The following VWA8 variants were observed in gnomAD, a reference collection of about 807,000 sequenced individuals.
VWA8 encodes von Willebrand factor A domain containing 8, also known as von Willebrand factor A domain-containing protein 8.
Under a neutral mutation model 241.5 loss-of-function variants are expected in VWA8, and 221 were observed. The observed-to-expected ratio is 0.91, with a 90% CI of 0.82 to 1.02. The LOEUF (loss-of-function observed/expected upper bound fraction) is 1.02. Among genes scored for constraint, VWA8 ranks in the 50% least tolerant of loss-of-function variants. The probability of loss-of-function intolerance (pLI) is 0.00; values close to 1 mark genes in which losing one functional copy is unlikely to be tolerated. For missense variants in VWA8, 2,322 were observed against 2,328.7 expected (o/e 1.00, Z 0.06); for synonymous variants, 852 against 827.1 (o/e 1.03, Z -0.52).
At chr13:41,909,605 T>C (rs956844089) in intron 3 of VWA8, among the ~76,000 whole-genome samples, 2 of 152,224 alleles carry the variant, frequency 1.3e-5, no homozygotes, top group African/African-American at 2.4e-5. Context: ...GTCATTACAA[T>C]AGGCTTCCAT....
At position 41,775,503 on chromosome 13, in the gene VWA8, C is replaced by T. The variant is rs948799260; in HGVS notation, c.2349+2482G>A. 1.4e-4 allele frequency among the ~76,000 whole-genome samples: 21 copies of T among 152,180 alleles called. No individual in the cohort carries two copies. The South Asian group carries it at 1.4e-3, about 11-fold the overall frequency. ...GTTTGTGCCAACCCGTGGCTCCTGC[C>T]TTGCTCTTCGTGGGGATCTTCAACT... is the stretch of plus-strand genomic sequence containing the variant. On this transcript the variant is annotated intron_variant, in intron 20 of 44. Transcript: ENST00000379310.
intron 14 of VWA8, among the ~76,000 whole-genome samples, chr13:41,827,920 G>T (rs1871248353): frequency 6.6e-6 from 1 of 152,190 alleles, no homozygotes; most frequent in Non-Finnish European, 1.5e-5. Flanking sequence ...AAGAGAAACT[G>T]CCAGGCAGGC....
At chr13:41,889,212 G>A (rs1275425774) in intron 5 of VWA8, among the ~76,000 whole-genome samples, 1 of 152,134 alleles carries the variant, frequency 6.6e-6, no homozygotes, top group Non-Finnish European at 1.5e-5. Context: ...ATAGTGCTTT[G>A]TGAAGGGATC....
intron 13 of VWA8, 127 bp downstream of exon 13, chr13:41,833,244 A>G: frequency 1.8e-6 from 2 of 1,117,574 alleles, no homozygotes; most frequent in Non-Finnish European, 2.4e-6. Flanking sequence ...TTGGTATAGA[A>G]TCATGATTTT....
At chr13:41,715,793 A>G (rs2045344519) in intron 26 of VWA8, among the ~76,000 whole-genome samples, 1 of 151,990 alleles carries the variant, frequency 6.6e-6, no homozygotes, top group South Asian at 2.1e-4. Flanking sequence ...TCCCTACAAT[A>G]CTGACAAAAT....
intron 2 of VWA8, among the ~76,000 whole-genome samples, chr13:41,928,189 A>C (rs1238236296): frequency 1.3e-5 from 2 of 152,230 alleles, no homozygotes; most frequent in Non-Finnish European, 2.9e-5. Context: ...CAAAGGATAT[A>C]TCAACCAGAC....
intron 37 of VWA8, among the ~76,000 whole-genome samples, chr13:41,620,806 T>C (rs1357505532): frequency 1.3e-5 from 2 of 152,224 alleles, no homozygotes; most frequent in African/African-American, 4.8e-5. Flanking sequence ...CAAATGACAC[T>C]TAGAGTTGAA....
rs1437712294 is a variant in VWA8, at chr13:41,715,800, A to G, written c.3116+3791T>C. On this transcript the variant is annotated intron_variant, in intron 26 of 44. Transcript: ENST00000379310. ...CCTATCTCTCCCTACAATACTGACA[A>G]AATGACATTAGTACATGCAACACAC... 2.0e-5 allele frequency among the ~76,000 whole-genome samples: 3 copies of G among 152,110 alleles called. No homozygotes were observed. In the East Asian group the frequency reaches 5.8e-4, roughly 29 times the overall value.
intron 9 of VWA8, among the ~76,000 whole-genome samples, chr13:41,872,652 T>A (rs1030493278): frequency 6.6e-6 from 1 of 152,166 alleles, no homozygotes; most frequent in East Asian, 1.9e-4. Flanking sequence ...CTCTGTTCTG[T>A]TCCATTGATC....
At chr13:41,596,561 T>C (rs997142785) in intron 40 of VWA8, among the ~76,000 whole-genome samples, 1 of 152,082 alleles carries the variant, frequency 6.6e-6, no homozygotes, top group African/African-American at 2.4e-5. Flanking sequence ...AAAGTATCCC[T>C]GTAAATATGT....
At chr13:41,782,249 G>T (rs1205265390) in intron 19 of VWA8, among the ~76,000 whole-genome samples, 2 of 152,170 alleles carry the variant, frequency 1.3e-5, no homozygotes, top group African/African-American at 4.8e-5. Context: ...GTGTTCAAGG[G>T]CACAATGGTC....
At chr13:41,802,804 C>T (rs1870018965) in intron 17 of VWA8, among the ~76,000 whole-genome samples, 1 of 152,202 alleles carries the variant, frequency 6.6e-6, no homozygotes, top group African/African-American at 2.4e-5. Context: ...CACAACCTGA[C>T]TAAAGAATAG....
chr13:41,724,753 A>T (rs530043301), intron 24 of VWA8, among the ~76,000 whole-genome samples: 1 of 152,314 alleles, frequency 6.6e-6, no homozygotes, highest in Admixed American at 6.5e-5. Context: ...AATGAAAGAG[A>T]ATTTCCCTTT....
intron 20 of VWA8, among the ~76,000 whole-genome samples, chr13:41,775,429 G>T (rs1470047496): frequency 6.6e-6 from 1 of 152,318 alleles, no homozygotes; most frequent in East Asian, 1.9e-4. Context: ...GCAAGACAGT[G>T]TGATCTGCTG....
chr13:41,768,514 T>C (rs1463888548), intron 20 of VWA8, among the ~76,000 whole-genome samples: 4 of 152,224 alleles, frequency 2.6e-5, no homozygotes, highest in South Asian at 2.1e-4. Flanking sequence ...AGAGTCTTGC[T>C]TAGTTGGCAT....
intron 12 of VWA8, among the ~76,000 whole-genome samples, chr13:41,853,606 T>C (rs1176054759): frequency 6.6e-6 from 1 of 152,166 alleles, no homozygotes; most frequent in Non-Finnish European, 1.5e-5. Flanking sequence ...TCAGTCTTGG[T>C]AGGTTACATA....
chr13:41,636,477 G>C (rs1473567408), intron 37 of VWA8, among the ~76,000 whole-genome samples: 4 of 152,122 alleles, frequency 2.6e-5, no homozygotes, highest in Non-Finnish European at 4.4e-5. Context: ...AAAAACCCTA[G>C]AAGAAAACCT....
chr13:41,883,446 A>G lies in VWA8; in HGVS notation c.1021T>C (p.Tyr341His), dbSNP rs1218266868. The G allele has an allele frequency of 5.0e-6, 8 of 1,613,668 alleles. No individual in the cohort carries two copies. Among genetic ancestry groups the G allele is most frequent in the African/African-American group, 2.7e-5 (2 of 74,920 alleles). Reference sequence around the variant, plus strand: ...TGACCTAGTAAAATACTATATGGATAAAGCCACTGGATTGCATGTTTGATT... The same window carrying G: ...TGACCTAGTAAAATACTATATGGATGAAGCCACTGGATTGCATGTTTGATT... Reference protein sequence around the residue: ...MPIKHAIQWLYPYSILLGHEG... With the variant: ...MPIKHAIQWLHPYSILLGHEG... Residue 341 changes from tyrosine (Y) to histidine (H), a missense_variant, in exon 9 of 45, where the codon TAT (tyrosine) becomes CAT (histidine). Coordinates refer to ENST00000379310, the MANE Select transcript of VWA8 (RefSeq NM_015058.2).
At chr13:41,648,193 A>G (rs2139685785) in intron 37 of VWA8, among the ~76,000 whole-genome samples, 1 of 152,238 alleles carries the variant, frequency 6.6e-6, no homozygotes, top group South Asian at 2.1e-4. Flanking sequence ...CCTGAATCTG[A>G]TCACTGGTAA....
Sources: allele counts gnomAD v4.1 joint callset (sites outside exome capture counted in the v4.1 genomes callset), GRCh38; gene constraint gnomAD v4.1.1; transcripts MANE v1.5; gene names NCBI Gene and HGNC (gene_info 2026-07-23, HGNC 2026-07-21).